The following GALNT18 variants were observed in gnomAD, a reference collection of about 807,000 sequenced individuals.
GALNT18 encodes polypeptide N-acetylgalactosaminyltransferase 18.
Under a neutral mutation model 69.5 loss-of-function variants are expected in GALNT18, and 44 were observed. The observed-to-expected ratio is 0.63, with a 90% CI of 0.50 to 0.81. The LOEUF is 0.81. Among genes scored for constraint, GALNT18 ranks in the 40% least tolerant of loss-of-function variants. The pLI is 0.00. For missense variants in GALNT18, 715 were observed against 810.0 expected (o/e 0.88, Z 1.42); for synonymous variants, 364 against 318.2 (o/e 1.14, Z -1.53).
In GALNT18 at chr11:11,620,510, A is replaced by C. The variant is rs61870421; in HGVS notation, c.235+849T>G. ...CAACCAGCGTAACCTTACACTTCAGACCCAACCCAGGTCTGCTCAGCCCCG... is the reference window on the plus strand; with the variant it reads ...CAACCAGCGTAACCTTACACTTCAGCCCCAACCCAGGTCTGCTCAGCCCCG... On this transcript the variant is annotated intron_variant, in intron 1 of 10. Coordinates refer to ENST00000227756, the MANE Select transcript of GALNT18 (RefSeq NM_198516.3). This position sits in a 1 kb window ranked among gnomAD's most constrained non-coding sequence, Gnocchi z 6.9. Among the ~76,000 whole-genome samples the C allele has an allele frequency of 0.11, 17,142 of 151,938 alleles. 1,303 individuals carry two copies. Among genetic ancestry groups the C allele is most frequent in the Middle Eastern group, 0.17 (49 of 292 alleles).
At chr11:11,437,971 C>T (rs895850219) in intron 2 of GALNT18, among the ~76,000 whole-genome samples, 4 of 152,142 alleles carry the variant, frequency 2.6e-5, no homozygotes, top group Non-Finnish European at 5.9e-5. Flanking sequence ...CTGCTTTCTC[C>T]CCAGGCTTTT....
chr11:11,383,064 T>C lies in GALNT18; in HGVS notation c.596-3800A>G, dbSNP rs1853960241. ...TCCACAAATCCCTGATCTCCTGACATTGGAGGGACCTCTGTAAACCAGCAC... is the reference window on the plus strand; with the variant it reads ...TCCACAAATCCCTGATCTCCTGACACTGGAGGGACCTCTGTAAACCAGCAC... On this transcript the variant is annotated intron_variant, in intron 3 of 10. Transcript: ENST00000227756. This position sits in a 1 kb window ranked among gnomAD's most constrained non-coding sequence, Gnocchi z 5.2. Among the ~76,000 whole-genome samples, 1 of 152,276 alleles carries C rather than the reference T, an allele frequency of 6.6e-6. No homozygotes were observed. Among genetic ancestry groups the C allele is most frequent in the East Asian group, 1.9e-4 (1 of 5,180 alleles).
At chr11:11,560,845 T>TA (rs1858488087) in intron 1 of GALNT18, among the ~76,000 whole-genome samples, 1 of 152,216 alleles carries the variant, frequency 6.6e-6, no homozygotes, top group African/African-American at 2.4e-5. Flanking sequence ...ATCGCTCTTC[T>TA]AGCCCTCTTT....
chr11:11,546,013 G>T lies in GALNT18; in HGVS notation c.235+75346C>A, dbSNP rs1463876077. 6.6e-6 allele frequency among the ~76,000 whole-genome samples: 1 copy of T among 152,154 alleles called. No individual in the cohort carries two copies. Among genetic ancestry groups the T allele is most frequent in the Non-Finnish European group, 1.5e-5 (1 of 68,030 alleles). ...TCCAGGAGCTGAGACACCCTGGGGA[G>T]GTTCCCAGCTTTAGAACATTGGCAA... is the stretch of plus-strand genomic sequence containing the variant. On this transcript the variant is annotated intron_variant, in intron 1 of 10. Transcript: ENST00000227756. This position sits in a 1 kb window ranked among gnomAD's most constrained non-coding sequence, Gnocchi z 5.8.
At chr11:11,271,352 G>T in intron 10 of GALNT18, 62 bp from the exon 11 acceptor site, 1 of 1,559,478 alleles carries the variant, frequency 6.4e-7, no homozygotes, top group South Asian at 1.1e-5. Flanking sequence ...AAATTCGGGA[G>T]CCTCAGGCCA....
In GALNT18 at chr11:11,382,541, T is replaced by G. The variant is rs1170713086; in HGVS notation, c.596-3277A>C. 6.6e-6 allele frequency among the ~76,000 whole-genome samples: 1 copy of G among 152,102 alleles called. No individual in the cohort carries two copies. Among genetic ancestry groups the G allele is most frequent in the Non-Finnish European group, 1.5e-5 (1 of 68,022 alleles). ...AGCTCCAAAGATTGTGTTTTTGGAGTTGAACTTGTGTTTTTTCTTACAGCC... is the reference window on the plus strand; with the variant it reads ...AGCTCCAAAGATTGTGTTTTTGGAGGTGAACTTGTGTTTTTTCTTACAGCC... On this transcript the variant is annotated intron_variant, in intron 3 of 10. Transcript: ENST00000227756. This position sits in a 1 kb window ranked among gnomAD's most constrained non-coding sequence, Gnocchi z 4.3.
intron 3 of GALNT18, among the ~76,000 whole-genome samples, chr11:11,428,577 C>T (rs1855189885): frequency 2.0e-5 from 3 of 152,218 alleles, no homozygotes; most frequent in South Asian, 4.1e-4. Flanking sequence ...TCGGAGGCAA[C>T]TCTTGCTTCT....
At chr11:11,530,903 G>T (rs1405441351) in intron 1 of GALNT18, among the ~76,000 whole-genome samples, 1 of 152,216 alleles carries the variant, frequency 6.6e-6, no homozygotes, top group Non-Finnish European at 1.5e-5. Context: ...GAGCCAAGGA[G>T]GTAGGGTCAA....
chr11:11,323,002 C>T (rs759799588), intron 9 of GALNT18, among the ~76,000 whole-genome samples: 3 of 152,202 alleles, frequency 2.0e-5, no homozygotes, highest in Non-Finnish European at 4.4e-5. Context: ...GGGCACCACC[C>T]TTATGACCTG....
At chr11:11,284,908 G>GGTTTTTTTTTTTTTTTTT (rs766754289) in intron 10 of GALNT18, among the ~76,000 whole-genome samples, 1 of 82,822 alleles carries the variant, frequency 1.2e-5, no homozygotes, top group African/African-American at 6.1e-5. Flanking sequence ...AGACTTTCGT[G>GGTTTTTTTTTTTTTTTTT]TTTTTTTTTT....
intron 6 of GALNT18, among the ~76,000 whole-genome samples, chr11:11,369,967 C>A (rs1256686056): frequency 6.6e-5 from 10 of 152,100 alleles, no homozygotes; most frequent in Admixed American, 6.5e-4. Context: ...TGTGATATAT[C>A]TGTCTAGTCC....
In GALNT18 at chr11:11,318,756, C is replaced by T. The variant is rs1410714936; in HGVS notation, c.1512+8330G>A. On this transcript the variant is annotated intron_variant, in intron 9 of 10. Transcript: ENST00000227756. The surrounding 1 kb of genome is among the most constrained non-coding windows in gnomAD (Gnocchi z 5.1). Reference sequence around the variant, plus strand: ...AAAAGAGTAAGAAAAATACCTGAAACCTAGAAATAAGGCAAAAACAAAGAG... The same window carrying T: ...AAAAGAGTAAGAAAAATACCTGAAATCTAGAAATAAGGCAAAAACAAAGAG... Among the ~76,000 whole-genome samples, 2 of 152,108 alleles carry T rather than the reference C, an allele frequency of 1.3e-5. No individual in the cohort carries two copies. Among genetic ancestry groups the T allele is most frequent in the Non-Finnish European group, 2.9e-5 (2 of 68,018 alleles).
chr11:11,552,311 C>T (rs1047547058), intron 1 of GALNT18, among the ~76,000 whole-genome samples: 3 of 152,192 alleles, frequency 2.0e-5, no homozygotes, highest in Non-Finnish European at 2.9e-5. Flanking sequence ...GCTAGAAACT[C>T]CTCCAGCTGT....
Position 11,468,632 on chromosome 11 carries a change from T to C in GALNT18, c.236-19696A>G, listed in dbSNP as rs115138383. ...GCTGGGAGTCAAAGCCAGGCCAGGT[T>C]GCAGGACAGAGGATCTCAGGGACTC... On this transcript the variant is annotated intron_variant, in intron 1 of 10. Coordinates refer to ENST00000227756, the MANE Select transcript of GALNT18 (RefSeq NM_198516.3). Among the ~76,000 whole-genome samples, 1,074 of 152,204 alleles carry C rather than the reference T, an allele frequency of 7.1e-3. 13 individuals carry two copies. The highest frequency in any genetic ancestry group is 0.025 in the African/African-American group (1,019 of 41,540).
At chr11:11,279,430 T>TATCA (rs1317624830) in intron 10 of GALNT18, among the ~76,000 whole-genome samples, 1 of 152,212 alleles carries the variant, frequency 6.6e-6, no homozygotes, top group African/African-American at 2.4e-5. Context: ...CCAACACTTC[T>TATCA]ATCAGAAACG....
chr11:11,474,120 T>C (rs961837997), intron 1 of GALNT18, among the ~76,000 whole-genome samples: 4 of 151,868 alleles, frequency 2.6e-5, no homozygotes, highest in African/African-American at 9.7e-5. Context: ...AGACATTAAG[T>C]AAAATAAACC....
chr11:11,481,658 A>G (rs1856534276), intron 1 of GALNT18, among the ~76,000 whole-genome samples: 1 of 152,224 alleles, frequency 6.6e-6, no homozygotes, highest in Non-Finnish European at 1.5e-5. Context: ...CAATGGAAAG[A>G]GAAAGCACCC....
Position 11,470,043 on chromosome 11 carries a change from T to C in GALNT18, c.236-21107A>G, listed in dbSNP as rs1856237487. Among the ~76,000 whole-genome samples, 1 of 152,238 alleles carries C rather than the reference T, an allele frequency of 6.6e-6. No individual in the cohort carries two copies. The highest frequency in any genetic ancestry group is 2.4e-5 in the African/African-American group (1 of 41,464). On this transcript the variant is annotated intron_variant, in intron 1 of 10. Coordinates refer to ENST00000227756, the MANE Select transcript of GALNT18 (RefSeq NM_198516.3). The surrounding 1 kb of genome is among the most constrained non-coding windows in gnomAD (Gnocchi z 4.8). ...CCCATAGGAACCTTTAGAGAAAGAC[T>C]GTCCCTCCAATCTGCTTCTGCCTCT...
chr11:11,423,134 C>A (rs560485545), intron 3 of GALNT18, among the ~76,000 whole-genome samples: 2 of 152,316 alleles, frequency 1.3e-5, no homozygotes, highest in Admixed American at 1.3e-4. Flanking sequence ...AATACACACA[C>A]AAACACAGTG....
Sources: allele counts gnomAD v4.1 joint callset (sites outside exome capture counted in the v4.1 genomes callset), GRCh38; gene constraint gnomAD v4.1.1; non-coding constraint Gnocchi (gnomAD v3.1); transcripts MANE v1.5; gene names NCBI Gene and HGNC (gene_info 2026-07-23, HGNC 2026-07-21).